SPAG16: variants seen among roughly 807,000 people sequenced by gnomAD.
The protein encoded by SPAG16 is sperm associated antigen 16, also known as sperm-associated antigen 16 protein.
SPAG16 carries 86 observed loss-of-function variants against 80.4 expected under a neutral mutation model. That is an observed-to-expected ratio of 1.07 (90% CI 0.90 to 1.28). The LOEUF is 1.28. Ranked by LOEUF, SPAG16 falls within the 50% of genes most tolerant of loss-of-function variation. The pLI, the probability that SPAG16 is intolerant of heterozygous loss-of-function variation, is 0.00. For missense variants in SPAG16, 870 were observed against 765.3 expected, an observed-to-expected ratio of 1.14 and a Z score of -1.61; for synonymous variants, 294 against 265.9, an observed-to-expected ratio of 1.11 and a Z score of -1.03.
intron 10 of SPAG16, among the ~76,000 whole-genome samples, chr2:213,782,493 A>G (rs1429053060): frequency 6.6e-6 from 1 of 152,218 alleles, no homozygotes; most frequent in Non-Finnish European, 1.5e-5. Flanking sequence ...TCAATGAAGT[A>G]TTTGTTTCAA....
intron 10 of SPAG16, among the ~76,000 whole-genome samples, chr2:213,586,833 G>A (rs1269654465): frequency 4.6e-5 from 7 of 152,188 alleles, no homozygotes; most frequent in Non-Finnish European, 1.0e-4. Context: ...TGGGGCAATA[G>A]GATCCAAGTA....
At chr2:213,771,623 T>G (rs2125553348) in intron 10 of SPAG16, among the ~76,000 whole-genome samples, 1 of 152,326 alleles carries the variant, frequency 6.6e-6, no homozygotes, top group South Asian at 2.1e-4. Flanking sequence ...TTGAATTAAT[T>G]TTTATGTGTG....
chr2:214,003,576 C>T (rs2046893942), intron 12 of SPAG16, among the ~76,000 whole-genome samples: 1 of 152,052 alleles, frequency 6.6e-6, no homozygotes, highest in African/African-American at 2.4e-5. Context: ...GTTGTTAGTT[C>T]TTGTTATTCA....
chr2:214,336,305 C>T (rs908627932), intron 15 of SPAG16, among the ~76,000 whole-genome samples: 1 of 152,066 alleles, frequency 6.6e-6, no homozygotes, highest in Non-Finnish European at 1.5e-5. Flanking sequence ...GGTGGGGTCT[C>T]AAATCACCCT....
At chr2:214,132,102 T>TA (rs1036719561) in intron 14 of SPAG16, among the ~76,000 whole-genome samples, 49 of 152,058 alleles carry the variant, frequency 3.2e-4, no homozygotes, top group African/African-American at 1.2e-3. Context: ...AAACCTGCTC[T>TA]AAAAAAAATA....
intron 12 of SPAG16, among the ~76,000 whole-genome samples, chr2:214,001,230 G>A (rs2046773930): frequency 6.6e-6 from 1 of 152,154 alleles, no homozygotes; most frequent in South Asian, 2.1e-4. Context: ...CATCTTTAAA[G>A]CTAATTTATT....
At chr2:214,224,964 G>A (rs914274499) in intron 15 of SPAG16, among the ~76,000 whole-genome samples, 2 of 152,160 alleles carry the variant, frequency 1.3e-5, no homozygotes, top group African/African-American at 4.8e-5. Flanking sequence ...AATGGTTGCT[G>A]TTGAAACAAG....
intron 10 of SPAG16, among the ~76,000 whole-genome samples, chr2:213,842,903 T>A (rs1009790324): frequency 1.3e-5 from 2 of 152,198 alleles, no homozygotes; most frequent in Admixed American, 6.5e-5. Flanking sequence ...GTGGCTAGGC[T>A]ACAGGCATAT....
chr2:214,017,211 T>G (rs1175350084), intron 13 of SPAG16, among the ~76,000 whole-genome samples: 2 of 152,112 alleles, frequency 1.3e-5, no homozygotes, highest in Non-Finnish European at 2.9e-5. Flanking sequence ...GATGATTTTT[T>G]GTTAGGTACA....
intron 10 of SPAG16, among the ~76,000 whole-genome samples, chr2:213,698,197 C>G (rs2065242940): frequency 6.6e-6 from 1 of 151,964 alleles, no homozygotes; most frequent in South Asian, 2.1e-4. Flanking sequence ...CTTTATTCTC[C>G]TTTATGGGCT....
chr2:214,039,906 G>T (rs1481267199), intron 13 of SPAG16, among the ~76,000 whole-genome samples: 1 of 152,164 alleles, frequency 6.6e-6, no homozygotes, highest in African/African-American at 2.4e-5. Flanking sequence ...GGTGGGGGTG[G>T]TTAGGCTTGC....
At chr2:214,143,931 G>A (rs2055498524) in intron 14 of SPAG16, among the ~76,000 whole-genome samples, 1 of 152,074 alleles carries the variant, frequency 6.6e-6, no homozygotes, top group African/African-American at 2.4e-5. Context: ...GTCAAGGTGG[G>A]AGGATCACAT....
chr2:214,337,244 G>A (rs1697363744), intron 15 of SPAG16, among the ~76,000 whole-genome samples: 1 of 152,120 alleles, frequency 6.6e-6, no homozygotes, highest in Admixed American at 6.5e-5. Flanking sequence ...AAGAAAAAAA[G>A]AGAAGGTTTA....
chr2:214,138,019 C>T (rs2055153083), intron 14 of SPAG16, among the ~76,000 whole-genome samples: 1 of 151,978 alleles, frequency 6.6e-6, no homozygotes, highest in Non-Finnish European at 1.5e-5. Flanking sequence ...AAAGATCACT[C>T]CCACTGCCTT....
At chr2:214,340,453 T>C (rs918155425) in intron 15 of SPAG16, among the ~76,000 whole-genome samples, 6 of 152,194 alleles carry the variant, frequency 3.9e-5, no homozygotes, top group Middle Eastern at 6.3e-3. Flanking sequence ...AATAGGGCAG[T>C]TTCCAAGTAT....
intron 4 of SPAG16, among the ~76,000 whole-genome samples, chr2:213,315,856 A>G (rs377460206): frequency 6.0e-4 from 91 of 151,528 alleles, no homozygotes; most frequent in African/African-American, 2.1e-3. Flanking sequence ...TTCTCCCACT[A>G]TTTCACGGGC....
intron 10 of SPAG16, among the ~76,000 whole-genome samples, chr2:213,794,049 C>G (rs182848806): frequency 6.6e-6 from 1 of 152,078 alleles, no homozygotes; most frequent in Non-Finnish European, 1.5e-5. Flanking sequence ...AACTTTTCAA[C>G]CTTTTACAAA....
intron 12 of SPAG16, among the ~76,000 whole-genome samples, chr2:213,984,470 T>C (rs2045913725): frequency 6.6e-6 from 1 of 152,046 alleles, no homozygotes; most frequent in African/African-American, 2.4e-5. Flanking sequence ...AGGACCACAT[T>C]TTCTCACTTC....
intron 10 of SPAG16, among the ~76,000 whole-genome samples, chr2:213,832,102 G>C (rs1045938307): frequency 6.6e-6 from 1 of 151,856 alleles, no homozygotes; most frequent in African/African-American, 2.4e-5. Context: ...GGTTCAAGTG[G>C]TTCTCCTGCC....
Sources: allele counts gnomAD v4.1 joint callset (sites outside exome capture counted in the v4.1 genomes callset), GRCh38; gene constraint gnomAD v4.1.1; transcripts MANE v1.5; gene names NCBI Gene and HGNC (gene_info 2026-07-23, HGNC 2026-07-21).